CNTNAP2: variants seen among roughly 807,000 people sequenced by gnomAD.
CNTNAP2 encodes contactin associated protein 2, also known as contactin-associated protein-like 2.
A neutral mutation model predicts 155.2 loss-of-function variants in CNTNAP2; 98 were observed. That is an observed-to-expected ratio of 0.63 (90% CI 0.54 to 0.75). The LOEUF (loss-of-function observed/expected upper bound fraction) is 0.75, where lower values mean the gene tolerates loss of function less well. Ranked by LOEUF, CNTNAP2 falls within the 30% of genes least tolerant of loss-of-function variation. The probability of loss-of-function intolerance (pLI) is 0.00; values close to 1 mark genes in which losing one functional copy is unlikely to be tolerated. For missense variants in CNTNAP2, 1,727 were observed against 1,688.1 expected, an observed-to-expected ratio of 1.02 and a Z score of -0.40; for synonymous variants, 651 against 631.2, an observed-to-expected ratio of 1.03 and a Z score of -0.47.
intron 3 of CNTNAP2, among the ~76,000 whole-genome samples, chr7:146,880,847 A>G (rs1181134821): frequency 6.6e-6 from 1 of 152,142 alleles, no homozygotes; most frequent in Non-Finnish European, 1.5e-5. Context: ...CAGGGGATGA[A>G]ATATTATCCT....
At chr7:147,167,600 A>T (rs1584767645) in intron 8 of CNTNAP2, 2 of 733,586 alleles carry the variant, frequency 2.7e-6, no homozygotes, top group East Asian at 5.9e-5. Context: ...GGAGCCCAGC[A>T]TCAGAAGTCT....
chr7:148,158,888 A>G (rs370472768), intron 17 of CNTNAP2, among the ~76,000 whole-genome samples: 1 of 152,252 alleles, frequency 6.6e-6, no homozygotes, highest in East Asian at 1.9e-4. Context: ...ACTAAACTTC[A>G]TGATAATAAA....
chr7:147,445,105 A>G (rs1797711417), intron 10 of CNTNAP2, among the ~76,000 whole-genome samples: 1 of 152,146 alleles, frequency 6.6e-6, no homozygotes, highest in African/African-American at 2.4e-5. Flanking sequence ...CCCTCCCCCA[A>G]CTATGGGATT....
intron 13 of CNTNAP2, among the ~76,000 whole-genome samples, chr7:147,775,403 TTATATATATATTTATA>T (rs1797568886): frequency 1.2e-5 from 1 of 81,022 alleles, no homozygotes; most frequent in African/African-American, 4.5e-5. Flanking sequence ...ATATATATAT[TTATATATATATTTATA>T]TATATATATC....
chr7:146,336,146 C>T (rs1004915537), intron 1 of CNTNAP2, among the ~76,000 whole-genome samples: 1 of 150,978 alleles, frequency 6.6e-6, no homozygotes, highest in Non-Finnish European at 1.5e-5. Context: ...TTGTGGTGAG[C>T]CGAGATCACA....
At chr7:147,295,094 T>C (rs973068342) in intron 8 of CNTNAP2, among the ~76,000 whole-genome samples, 2 of 152,208 alleles carry the variant, frequency 1.3e-5, no homozygotes, top group African/African-American at 4.8e-5. Context: ...GCTGTACAAA[T>C]ACTAATAGTA....
chr7:147,168,612 T>C (rs923838694), intron 8 of CNTNAP2, among the ~76,000 whole-genome samples: 1 of 152,178 alleles, frequency 6.6e-6, no homozygotes, highest in Admixed American at 6.5e-5. Flanking sequence ...AATATTTTAA[T>C]AGATTATATT....
chr7:147,739,392 T>C (rs2116483160), intron 13 of CNTNAP2, among the ~76,000 whole-genome samples: 1 of 152,310 alleles, frequency 6.6e-6, no homozygotes, highest in Admixed American at 6.5e-5. Flanking sequence ...ATCAGTTTTC[T>C]AATACCTTCC....
chr7:147,104,053 G>A (rs1203622063), intron 4 of CNTNAP2, among the ~76,000 whole-genome samples: 1 of 152,028 alleles, frequency 6.6e-6, no homozygotes, highest in Non-Finnish European at 1.5e-5. Context: ...TGAAGTCCAA[G>A]TATAATCTGT....
At chr7:147,793,334 TC>T (rs1294401342) in intron 13 of CNTNAP2, among the ~76,000 whole-genome samples, 1 of 152,172 alleles carries the variant, frequency 6.6e-6, no homozygotes, top group African/African-American at 2.4e-5. Context: ...TATGTTCATG[TC>T]TTTAATCCAC....
chr7:146,851,457 G>T (rs1387215633), intron 3 of CNTNAP2, among the ~76,000 whole-genome samples: 1 of 152,054 alleles, frequency 6.6e-6, no homozygotes, highest in Non-Finnish European at 1.5e-5. Flanking sequence ...CCATCATAAA[G>T]TACCATAAAC....
intron 2 of CNTNAP2, among the ~76,000 whole-genome samples, chr7:146,796,073 A>G (rs928343659): frequency 1.3e-5 from 2 of 152,216 alleles, no homozygotes; most frequent in Non-Finnish European, 2.9e-5. Flanking sequence ...CTTACATAAA[A>G]TCCAAAAACA....
At chr7:148,354,810 C>A (rs888057116) in intron 21 of CNTNAP2, among the ~76,000 whole-genome samples, 1 of 152,062 alleles carries the variant, frequency 6.6e-6, no homozygotes, top group East Asian at 1.9e-4. Flanking sequence ...GCCCACCTGG[C>A]TAGCAAGAAC....
intron 15 of CNTNAP2, 72 bp downstream of exon 15, chr7:147,978,061 G>T (rs1288076007): frequency 8.2e-6 from 13 of 1,587,626 alleles, no homozygotes; most frequent in African/African-American, 6.7e-5. Flanking sequence ...CTCCTCAGAA[G>T]ATGCCTGCAA....
At chr7:148,115,489 T>C (rs892402403) in intron 15 of CNTNAP2, among the ~76,000 whole-genome samples, 1 of 152,206 alleles carries the variant, frequency 6.6e-6, no homozygotes, top group Non-Finnish European at 1.5e-5. Context: ...CTTTGATCTC[T>C]GCAGGCTCTC....
At chr7:148,037,348 G>C (rs542040008) in intron 15 of CNTNAP2, among the ~76,000 whole-genome samples, 3 of 152,306 alleles carry the variant, frequency 2.0e-5, no homozygotes, top group African/African-American at 7.2e-5. Context: ...ATAATGGAAG[G>C]AAATTATAAG....
intron 22 of CNTNAP2, among the ~76,000 whole-genome samples, chr7:148,392,965 C>G (rs1391989976): frequency 6.6e-6 from 1 of 152,088 alleles, no homozygotes; most frequent in African/African-American, 2.4e-5. Context: ...CCACTGGCCA[C>G]AGATTGGTTT....
At chr7:147,060,221 A>T (rs929416669) in intron 4 of CNTNAP2, among the ~76,000 whole-genome samples, 1 of 152,206 alleles carries the variant, frequency 6.6e-6, no homozygotes, top group Admixed American at 6.5e-5. Context: ...GGAACACAGT[A>T]CATCTATAGT....
At chr7:147,354,090 A>T (rs1354004315) in intron 9 of CNTNAP2, among the ~76,000 whole-genome samples, 1 of 151,888 alleles carries the variant, frequency 6.6e-6, no homozygotes. Context: ...TAGGTTGCCT[A>T]GTCACTCTGA....
Sources: allele counts gnomAD v4.1 joint callset (sites outside exome capture counted in the v4.1 genomes callset), GRCh38; gene constraint gnomAD v4.1.1; transcripts MANE v1.5; gene names NCBI Gene and HGNC (gene_info 2026-07-23, HGNC 2026-07-21).